SERPINI1: variants seen among roughly 807,000 people sequenced by gnomAD.
SERPINI1 encodes the protein serpin family I member 1, also known as neuroserpin.
Under a neutral mutation model 41.1 loss-of-function variants are expected in SERPINI1, and 19 were observed. The ratio of observed to expected loss-of-function variants is 0.46; its 90% confidence interval spans 0.32 to 0.68. The LOEUF (loss-of-function observed/expected upper bound fraction) is 0.68, where lower values mean the gene tolerates loss of function less well. Among genes scored for constraint, SERPINI1 ranks in the 30% least tolerant of loss-of-function variants. The pLI is 0.03. For synonymous variants in SERPINI1, 138 were observed against 156.6 expected (o/e 0.88, Z 0.89); for missense variants, 460 against 479.2 (o/e 0.96, Z 0.37).
In SERPINI1 at chr3:167,822,974, C is replaced by T. The variant is rs781383452; in HGVS notation, c.980-12C>T. 3 of 1,537,992 alleles carry T rather than the reference C, an allele frequency of 2.0e-6. No homozygotes were observed. The highest frequency in any genetic ancestry group is 1.7e-4 in the Middle Eastern group (1 of 5,910). On this transcript the variant is annotated splice_polypyrimidine_tract_variant and intron_variant, in intron 6 of 8. Transcript: ENST00000446050. ...GAATGAAAAAAAAAAATTTCTGATT[C>T]TCTTTTTGCAGATAATAAGGAGATT...
At chr3:167,817,938 T>G (rs1712170295) in intron 6 of SERPINI1, among the ~76,000 whole-genome samples, 1 of 151,906 alleles carries the variant, frequency 6.6e-6, no homozygotes, top group African/African-American at 2.4e-5. Flanking sequence ...AGAGTCTAGC[T>G]CATGGTAAAT....
intron 6 of SERPINI1, among the ~76,000 whole-genome samples, chr3:167,810,216 G>A (rs890787494): frequency 1.5e-4 from 23 of 151,918 alleles, no homozygotes; most frequent in Non-Finnish European, 3.1e-4. Context: ...ATTTTCATAT[G>A]TCTAGTTTTT....
chr3:167,801,998 C>T (rs1288799222), intron 5 of SERPINI1, among the ~76,000 whole-genome samples: 1 of 152,036 alleles, frequency 6.6e-6, no homozygotes, highest in Non-Finnish European at 1.5e-5. Flanking sequence ...TGATCTTTGA[C>T]AAACCTGAGA....
In SERPINI1 at chr3:167,803,147, G is replaced by A. The variant is rs942872207; in HGVS notation, c.882-4097G>A. ...TGTTGTGGGGTTGGGGGAGGGGGAG[G>A]GATAGCATTGGGATATATACCTAAT... On this transcript the variant is annotated intron_variant, in intron 5 of 8. Transcript: ENST00000446050. Among the ~76,000 whole-genome samples, 381 of 151,742 alleles carry A rather than the reference G, an allele frequency of 2.5e-3. 5 individuals carry two copies. Among genetic ancestry groups the A allele is most frequent in the African/African-American group, 8.9e-3 (369 of 41,334 alleles).
intron 6 of SERPINI1, among the ~76,000 whole-genome samples, chr3:167,812,308 A>G (rs983615613): frequency 1.3e-5 from 2 of 152,184 alleles, no homozygotes; most frequent in African/African-American, 4.8e-5. Flanking sequence ...TCAGCAGGGC[A>G]TTGAGACCAG....
intron 1 of SERPINI1, among the ~76,000 whole-genome samples, chr3:167,772,927 TATATAC>T (rs1207022157): frequency 8.0e-4 from 100 of 125,308 alleles, no homozygotes; most frequent in Non-Finnish European, 8.3e-4. Flanking sequence ...CACACATGCA[TATATAC>T]ATATACATAT....
intron 1 of SERPINI1, among the ~76,000 whole-genome samples, chr3:167,748,564 A>G (rs1725936063): frequency 6.6e-6 from 1 of 152,212 alleles, no homozygotes. Flanking sequence ...ATGCAACATT[A>G]AAAATAAGGA....
rs537337883 is a variant in SERPINI1, at chr3:167,742,078, AT to A, written c.-19+6256del. ...AAGAAAAAGCCTTAAAATTTAAAAAATAAATAAGGAAAAAAATTTAAAATGC... is the reference window on the plus strand; with the variant it reads ...AAGAAAAAGCCTTAAAATTTAAAAAAAAATAAGGAAAAAAATTTAAAATGC... On this transcript the variant is annotated intron_variant, in intron 1 of 8. Coordinates refer to ENST00000446050, the MANE Select transcript of SERPINI1 (RefSeq NM_001122752.2). Among the ~76,000 whole-genome samples, 1,306 of 152,206 alleles carry A rather than the reference AT, an allele frequency of 8.6e-3. 15 individuals carry two copies. Among genetic ancestry groups the A allele is most frequent in the African/African-American group, 0.029 (1,222 of 41,562 alleles).
intron 5 of SERPINI1, among the ~76,000 whole-genome samples, chr3:167,804,221 A>G (rs1462059272): frequency 6.6e-6 from 1 of 152,222 alleles, no homozygotes; most frequent in African/African-American, 2.4e-5. Flanking sequence ...TTTGTTTGAT[A>G]TACATGTACT....
At chr3:167,747,401 T>C (rs1311816459) in intron 1 of SERPINI1, among the ~76,000 whole-genome samples, 1 of 152,080 alleles carries the variant, frequency 6.6e-6, no homozygotes, top group East Asian at 1.9e-4. Flanking sequence ...TCCCAGCACT[T>C]TGGGAGGCCG....
intron 1 of SERPINI1, among the ~76,000 whole-genome samples, chr3:167,763,357 T>TTTTGTG (rs1726446166): frequency 2.0e-5 from 3 of 147,742 alleles, no homozygotes; most frequent in African/African-American, 7.7e-5. Context: ...AACCACAGTT[T>TTTTGTG]TGTGTGTGTG....
At chr3:167,796,083 A>G (rs1727702862) in intron 5 of SERPINI1, among the ~76,000 whole-genome samples, 1 of 152,134 alleles carries the variant, frequency 6.6e-6, no homozygotes, top group South Asian at 2.1e-4. Context: ...TAACTGATTA[A>G]CCCATTCATA....
At chr3:167,763,377 GTA>G (rs758980517) in intron 1 of SERPINI1, among the ~76,000 whole-genome samples, 7,888 of 143,314 alleles carry the variant, frequency 0.055, 247 homozygotes, top group African/African-American at 0.086. Flanking sequence ...GTGTGTGTGT[GTA>G]TGTGTGTGTG....
intron 1 of SERPINI1, among the ~76,000 whole-genome samples, chr3:167,737,793 G>T (rs1196903308): frequency 6.6e-6 from 1 of 152,064 alleles, no homozygotes. Flanking sequence ...GATATACTTT[G>T]AATCTCAGCT....
In SERPINI1 at chr3:167,794,605, T is replaced by G. The variant is rs1727652302; in HGVS notation, c.677-15T>G. ...CTTTGATAGGCATCTTTTATGGCCT[T>G]TATTTTCTTTTTAGGGGAATTTAGT... On this transcript the variant is annotated splice_polypyrimidine_tract_variant and intron_variant, in intron 4 of 8. Transcript: ENST00000446050. 1.2e-6 allele frequency: 2 copies of G among 1,611,616 alleles called. No homozygotes were observed. Among genetic ancestry groups the G allele is most frequent in the Non-Finnish European group, 8.5e-7 (1 of 1,178,486 alleles).
At chr3:167,760,649 TGGGTTGTTTAAG>T (rs1339001254) in intron 1 of SERPINI1, among the ~76,000 whole-genome samples, 4 of 151,834 alleles carry the variant, frequency 2.6e-5, no homozygotes, top group Non-Finnish European at 4.4e-5. Context: ...TTAAACGCTA[TGGGTTGTTTAAG>T]TGGAACATCT....
chr3:167,754,304 C>CT (rs1218877471), intron 1 of SERPINI1, among the ~76,000 whole-genome samples: 3 of 152,196 alleles, frequency 2.0e-5, no homozygotes, highest in Non-Finnish European at 4.4e-5. Flanking sequence ...AGACCCTGGG[C>CT]TACAGAGATG....
At chr3:167,793,596 A>ATATATATATATATATATTTTTTT in intron 4 of SERPINI1, among the ~76,000 whole-genome samples, 3 of 140,610 alleles carry the variant, frequency 2.1e-5, no homozygotes, top group African/African-American at 5.5e-5. Flanking sequence ...ATATATATAT[A>ATATATATATATATATATTTTTTT]TTTTTAATTA....
intron 6 of SERPINI1, among the ~76,000 whole-genome samples, chr3:167,814,949 A>T (rs1355085161): frequency 6.6e-6 from 1 of 152,154 alleles, no homozygotes; most frequent in Non-Finnish European, 1.5e-5. Context: ...AAAACAAAAA[A>T]CTATTTGCCT....
Sources: allele counts gnomAD v4.1 joint callset (sites outside exome capture counted in the v4.1 genomes callset), GRCh38; gene constraint gnomAD v4.1.1; transcripts MANE v1.5; gene names NCBI Gene and HGNC (gene_info 2026-07-23, HGNC 2026-07-21).